The following TGFBR3 variants were observed in gnomAD, a reference collection of about 807,000 sequenced individuals.
The protein encoded by TGFBR3 is transforming growth factor beta receptor 3.
A neutral mutation model predicts 87.9 loss-of-function variants in TGFBR3; 46 were observed. The ratio of observed to expected loss-of-function variants is 0.52; its 90% CI spans 0.41 to 0.67. The LOEUF (loss-of-function observed/expected upper bound fraction) is 0.67, where lower values mean the gene tolerates loss of function less well. TGFBR3 is among the 30% of genes least tolerant of loss of function. The pLI is 0.00. For missense variants in TGFBR3, 866 were observed against 1,041.9 expected, an observed-to-expected ratio of 0.83 and a Z score of 2.32; for synonymous variants, 381 against 391.6, an observed-to-expected ratio of 0.97 and a Z score of 0.32.
intron 12 of TGFBR3, among the ~76,000 whole-genome samples, chr1:91,715,225 C>T (rs1243917046): frequency 1.3e-5 from 2 of 152,188 alleles, no homozygotes; most frequent in Non-Finnish European, 2.9e-5. Flanking sequence ...CATCCTGGTG[C>T]CATAAGGACA....
chr1:91,826,721 T>C lies in TGFBR3; in HGVS notation c.62-29250A>G, dbSNP rs1676650807. Among the ~76,000 whole-genome samples the C allele has an allele frequency of 2.4e-5, 3 of 126,122 alleles. No homozygotes were observed. In the South Asian group the frequency reaches 8.6e-4, roughly 36 times the overall value. The allele number at this position is 126,122 out of a possible 152,430, so 82.7% of individuals were successfully genotyped here. A position where few individuals can be genotyped will look rare whatever the true frequency, so the allele number is the denominator to read the frequency against. ...AAGTATTAAATAAAATTAGTCATAT[T>C]CCCATTTTCTCCCATCCACTATTAA... On this transcript the variant is annotated intron_variant, in intron 2 of 16. Transcript: ENST00000212355.
At chr1:91,893,862 G>A (rs1679494991) in intron 2 of TGFBR3, among the ~76,000 whole-genome samples, 1 of 149,622 alleles carries the variant, frequency 6.7e-6, no homozygotes, top group Admixed American at 6.7e-5. Flanking sequence ...TTTTATTTTT[G>A]GTTTATAATA....
At chr1:91,772,475 T>C (rs1674417776) in intron 3 of TGFBR3, among the ~76,000 whole-genome samples, 1 of 152,214 alleles carries the variant, frequency 6.6e-6, no homozygotes, top group Non-Finnish European at 1.5e-5. Context: ...TCCTTGGCTT[T>C]GTCCCCAGGT....
At position 91,729,888 on chromosome 1, in the gene TGFBR3, T is replaced by G. The variant is rs760965001; in HGVS notation, c.654A>C (p.Ala218=). The change falls in exon 6 of 17, where the codon GCA becomes GCC. Residue 218 remains alanine (A), a synonymous_variant. Transcript: ENST00000212355. ...YLAEYLQPKA[A]EGCVMSSQPQ... is the part of the protein sequence containing the mutation. Reference sequence around the variant, plus strand: ...GCTGGCTGGACATCACACACCCTTCTGCTGCTTTGGGTTGAAGGTACTCAG... The same window carrying G: ...GCTGGCTGGACATCACACACCCTTCGGCTGCTTTGGGTTGAAGGTACTCAG... 1 of 1,614,224 alleles carries G rather than the reference T, an allele frequency of 6.2e-7. No homozygotes were observed. Among genetic ancestry groups the G allele is most frequent in the South Asian group, 1.1e-5 (1 of 91,084 alleles).
intron 6 of TGFBR3, among the ~76,000 whole-genome samples, chr1:91,729,033 TACAC>T (rs56158224): frequency 0.081 from 7,195 of 89,358 alleles, 444 homozygotes; most frequent in Admixed American, 0.12. Flanking sequence ...CACTCCAGCA[TACAC>T]ACACACACAC....
intron 3 of TGFBR3, among the ~76,000 whole-genome samples, chr1:91,771,443 G>A (rs284193): frequency 0.41 from 62,761 of 151,924 alleles, 13,714 homozygotes; most frequent in African/African-American, 0.53. Context: ...GGTGGCTCAC[G>A]TCTGTAATCC....
At chr1:91,704,327 CA>C (rs68141642) in intron 14 of TGFBR3, among the ~76,000 whole-genome samples, 64,161 of 130,296 alleles carry the variant, frequency 0.49, 14,499 homozygotes, top group South Asian at 0.63. Context: ...GACTTTGTCT[CA>C]AAAAAAAAAA....
chr1:91,871,230 A>T (rs1363091497), intron 1 of TGFBR3, among the ~76,000 whole-genome samples: 1 of 152,226 alleles, frequency 6.6e-6, no homozygotes, highest in South Asian at 2.1e-4. Context: ...CACTGTAGAC[A>T]TCAACCAGGC....
chr1:91,856,218 G>A lies in TGFBR3; in HGVS notation c.61+5253C>T, dbSNP rs536695752. Among the ~76,000 whole-genome samples, 5 of 152,182 alleles carry A rather than the reference G, an allele frequency of 3.3e-5. No individual in the cohort carries two copies. In the South Asian group the frequency reaches 6.2e-4, roughly 19 times the overall value. On this transcript the variant is annotated intron_variant, in intron 2 of 16. Coordinates refer to ENST00000212355, the MANE Select transcript of TGFBR3 (RefSeq NM_003243.5). ...GCTGGGACTACAGGCGTCCGCCACC[G>A]CGCGTGGCTAATTTTGTTTTTGTAC...
chr1:91,864,179 T>C (rs1218429090), intron 1 of TGFBR3: 2 of 152,160 alleles, frequency 1.3e-5, no homozygotes, highest in African/African-American at 2.4e-5. Context: ...ACGAGGCTTG[T>C]GGGAATATTT....
rs1418036962 is a variant in TGFBR3 at position 91,734,914 on chromosome 1, A to G, written c.430T>C (p.Leu144=). 1 of 1,614,152 alleles carries G rather than the reference A, an allele frequency of 6.2e-7. No individual in the cohort carries two copies. Among genetic ancestry groups the G allele is most frequent in the East Asian group, 2.2e-5 (1 of 44,882 alleles). The change falls in exon 5 of 17, where the codon TTG becomes CTG. Residue 144 remains leucine, a synonymous_variant. Coordinates refer to ENST00000212355, the MANE Select transcript of TGFBR3 (RefSeq NM_003243.5). ...TTCCTTTCTTCTGTTTCTGCTGTCA[A>G]GGAGAAGTTTGCTGATGAAAACTGG... The part of the protein sequence containing the change: ...VVQFSSANFS[L]TAETEERNFP...
rs1158800020 is a variant in TGFBR3, at chr1:91,722,138, T to C, written c.892A>G (p.Asn298Asp). The C allele has an allele frequency of 1.2e-6, 2 of 1,613,602 alleles. No individual in the cohort carries two copies. Among genetic ancestry groups the C allele is most frequent in the Admixed American group, 1.7e-5 (1 of 59,978 alleles). ...CTCTCTTTTCCAAAGCCAATACTGT[T>C]AGGAGCCTGAAGATATAGCAAAAAA... Reference protein sequence around the residue: ...VKGSLKIIAPNSIGFGKESER... With the variant: ...VKGSLKIIAPDSIGFGKESER... Residue 298 changes from asparagine (N) to aspartate (D), a missense_variant, in exon 8 of 17, where the codon AAC becomes GAC. Physicochemically the swap from Asn to Asp is conservative, Grantham distance 23. Coordinates refer to ENST00000212355, the MANE Select transcript of TGFBR3 (RefSeq NM_003243.5).
In TGFBR3 at chr1:91,857,720, C is replaced by T. The variant is rs575402436; in HGVS notation, c.61+3751G>A. Among the ~76,000 whole-genome samples the T allele has an allele frequency of 2.6e-5, 4 of 152,280 alleles. No individual in the cohort carries two copies. In the South Asian group the frequency reaches 8.3e-4, roughly 32 times the overall value. On this transcript the variant is annotated intron_variant, in intron 2 of 16. Coordinates refer to ENST00000212355, the MANE Select transcript of TGFBR3 (RefSeq NM_003243.5). ...TTGAGAGGCTGAGGTGGGAGGATCA[C>T]TTGAGGTCAAGAGTTCAAGGTCAAC...
At chr1:91,798,666 G>A (rs1215593823) in intron 2 of TGFBR3, among the ~76,000 whole-genome samples, 2 of 152,168 alleles carry the variant, frequency 1.3e-5, no homozygotes, top group South Asian at 2.1e-4. Flanking sequence ...TTTATTGGTC[G>A]AATGTGACCT....
At chr1:91,707,449 G>A (rs926479190) in intron 14 of TGFBR3, among the ~76,000 whole-genome samples, 1 of 152,192 alleles carries the variant, frequency 6.6e-6, no homozygotes, top group Admixed American at 6.5e-5. Context: ...CCACTGTCCA[G>A]GGGTCACCCC....
chr1:91,769,951 A>G (rs1364647585), intron 3 of TGFBR3, among the ~76,000 whole-genome samples: 1 of 152,212 alleles, frequency 6.6e-6, no homozygotes, highest in Non-Finnish European at 1.5e-5. Context: ...AAGAATGATC[A>G]AAGTAAACAC....
intron 16 of TGFBR3, among the ~76,000 whole-genome samples, chr1:91,685,413 C>T (rs754463100): frequency 2.0e-5 from 3 of 151,430 alleles, no homozygotes; most frequent in South Asian, 2.1e-4. Context: ...ACCTCCACCC[C>T]CCGGGTTCAA....
At chr1:91,803,070 T>C (rs1675697857) in intron 2 of TGFBR3, among the ~76,000 whole-genome samples, 2 of 152,186 alleles carry the variant, frequency 1.3e-5, no homozygotes, top group African/African-American at 4.8e-5. Flanking sequence ...TTTCTCTGCT[T>C]TAAAAGACTT....
chr1:91,835,672 C>CA (rs1302739128), intron 2 of TGFBR3, among the ~76,000 whole-genome samples: 12 of 151,398 alleles, frequency 7.9e-5, no homozygotes, highest in African/African-American at 2.9e-4. Flanking sequence ...ACTAAAAATA[C>CA]AAAAAATTAG....
Sources: allele counts gnomAD v4.1 joint callset (sites outside exome capture counted in the v4.1 genomes callset), GRCh38; gene constraint gnomAD v4.1.1; transcripts MANE v1.5; gene names NCBI Gene and HGNC (gene_info 2026-07-23, HGNC 2026-07-21).